The following PLCG2 variants were observed in gnomAD, a reference collection of about 807,000 sequenced individuals.
PLCG2 encodes 1-phosphatidylinositol 4,5-bisphosphate phosphodiesterase gamma-2.
A neutral mutation model predicts 175.6 loss-of-function variants in PLCG2; 69 were observed. That is an observed-to-expected ratio of 0.39 (90% CI 0.32 to 0.48). PLCG2 has a LOEUF of 0.48. Ranked by LOEUF, PLCG2 falls within the 20% of genes least tolerant of loss-of-function variation. The pLI, the probability that PLCG2 is intolerant of heterozygous loss-of-function variation, is 0.91. For missense variants in PLCG2, 1,798 were observed against 1,650.9 expected (o/e 1.09, Z -1.54); for synonymous variants, 827 against 624.0 (o/e 1.33, Z -4.85).
rs1333174824 is a variant in PLCG2, at chr16:81,921,277, G to A, written c.2307+8G>A. On this transcript the variant is annotated splice_region_variant and intron_variant, in intron 21 of 32. Transcript: ENST00000564138. ...GAAATCAATCCGTCCATGGTACGGTGCCGAACCTCCAATTCACATGATTTT... is the reference window on the plus strand; with the variant it reads ...GAAATCAATCCGTCCATGGTACGGTACCGAACCTCCAATTCACATGATTTT... 6.9e-6 allele frequency: 11 copies of A among 1,582,866 alleles called. No homozygotes were observed. The highest frequency in any genetic ancestry group is 9.6e-6 in the Non-Finnish European group (11 of 1,151,592).
intron 2 of PLCG2, among the ~76,000 whole-genome samples, chr16:81,803,523 TTTCC>T (rs1227293086): frequency 7.7e-6 from 1 of 130,434 alleles, no homozygotes; most frequent in Non-Finnish European, 1.8e-5. Flanking sequence ...TTGTTCTTTC[TTTCC>T]TTTCTTTCTT....
intron 2 of PLCG2, among the ~76,000 whole-genome samples, chr16:81,804,567 A>G (rs1021196809): frequency 6.6e-6 from 1 of 152,236 alleles, no homozygotes; most frequent in African/African-American, 2.4e-5. Context: ...TTGTGGCACA[A>G]AAGGACCATT....
chr16:81,744,153 C>T (rs1194705827), intron 1 of PLCG2, among the ~76,000 whole-genome samples: 4 of 150,672 alleles, frequency 2.7e-5, no homozygotes, highest in Non-Finnish European at 5.9e-5. Context: ...CCACCGTGCC[C>T]AGCCAACTTC....
At chr16:81,790,914 G>A (rs1447982556) in intron 2 of PLCG2, among the ~76,000 whole-genome samples, 18 of 152,128 alleles carry the variant, frequency 1.2e-4, no homozygotes, top group African/African-American at 2.4e-5. Context: ...AGGACAGTCC[G>A]CACCACAGAG....
At chr16:81,884,924 C>G (rs1908279707) in intron 9 of PLCG2, among the ~76,000 whole-genome samples, 2 of 152,062 alleles carry the variant, frequency 1.3e-5, no homozygotes, top group East Asian at 1.9e-4. Context: ...CACTCACCCC[C>G]TTGCCCAGGC....
At position 81,961,191 on chromosome 16, in the gene PLCG2, ATTCTGCT is replaced by A. The variant is rs1911765539; in HGVS notation, c.*3194_*3200del. 8.8e-6 allele frequency: 2 copies of A among 228,106 alleles called. No individual in the cohort carries two copies. The highest frequency in any genetic ancestry group is 4.4e-5 in the African/African-American group (2 of 45,092). 14.1% of individuals were successfully genotyped at this position (228,106 alleles called of 1,614,324 possible). A position where few individuals can be genotyped will look rare whatever the true frequency, so the allele number is the denominator to read the frequency against. On this transcript the variant is annotated 3_prime_UTR_variant, in exon 33 of 33. Coordinates refer to ENST00000564138, the MANE Select transcript of PLCG2 (RefSeq NM_002661.5). ...ACAAAGGGGTTGGAAGAATTCAGTG[ATTCTGCT>A]ATCATAAAGCTTCCGTTCCCATTGA...
chr16:81,944,460 G>A (rs142287870), intron 30 of PLCG2, among the ~76,000 whole-genome samples: 3 of 152,066 alleles, frequency 2.0e-5, no homozygotes, highest in African/African-American at 7.2e-5. Flanking sequence ...CAAATACTAC[G>A]CCACTGAATT....
At chr16:81,866,019 G>T (rs1014744899) in intron 5 of PLCG2, among the ~76,000 whole-genome samples, 11 of 136,554 alleles carry the variant, frequency 8.1e-5, no homozygotes, top group African/African-American at 2.5e-4. Flanking sequence ...TTTCTCCCAG[G>T]ATGGGCTCCA....
intron 5 of PLCG2, among the ~76,000 whole-genome samples, chr16:81,859,461 C>G (rs1434247638): frequency 6.6e-6 from 1 of 152,242 alleles, no homozygotes; most frequent in Non-Finnish European, 1.5e-5. Flanking sequence ...ACAGCAGTAA[C>G]CACACTCCTG....
intron 2 of PLCG2, among the ~76,000 whole-genome samples, chr16:81,839,017 A>G (rs543755149): frequency 6.6e-6 from 1 of 152,106 alleles, no homozygotes; most frequent in Non-Finnish European, 1.5e-5. Context: ...TATGACTCAC[A>G]GAACCAAGCC....
At chr16:81,865,181 C>A (rs913910849) in intron 5 of PLCG2, among the ~76,000 whole-genome samples, 3 of 152,098 alleles carry the variant, frequency 2.0e-5, no homozygotes, top group Admixed American at 1.3e-4. Flanking sequence ...TGTTCCCTTG[C>A]GTGGACTGGG....
At chr16:81,814,860 C>A (rs367633550) in intron 2 of PLCG2, among the ~76,000 whole-genome samples, 3 of 152,290 alleles carry the variant, frequency 2.0e-5, no homozygotes, top group African/African-American at 7.2e-5. Flanking sequence ...TTATGATGAT[C>A]CTCTCCCCAT....
intron 2 of PLCG2, among the ~76,000 whole-genome samples, chr16:81,839,045 C>A (rs1011654307): frequency 6.6e-6 from 1 of 152,036 alleles, no homozygotes; most frequent in African/African-American, 2.4e-5. Context: ...TTGCTTCCAG[C>A]AGACAACTAT....
chr16:81,756,255 C>G (rs1468690567), intron 2 of PLCG2, among the ~76,000 whole-genome samples: 1 of 152,248 alleles, frequency 6.6e-6, no homozygotes, highest in Non-Finnish European at 1.5e-5. Context: ...CCACTGCCCC[C>G]TACCGCCTTT....
intron 2 of PLCG2, among the ~76,000 whole-genome samples, chr16:81,828,235 A>T (rs1485403831): frequency 1.0e-3 from 60 of 59,402 alleles, no homozygotes; most frequent in African/African-American, 3.6e-3. Context: ...GAGAAATGTC[A>T]TTTTTTTTTT....
At chr16:81,857,989 C>T in intron 3 of PLCG2, 1 of 437,010 alleles carries the variant, frequency 2.3e-6, no homozygotes, top group Non-Finnish European at 4.2e-6. Flanking sequence ...TCCCACCACT[C>T]CCTCCATTCT....
chr16:81,781,892 G>A (rs9674362), intron 1 of PLCG2, among the ~76,000 whole-genome samples: 124 of 126,724 alleles, frequency 9.8e-4, no homozygotes, highest in African/African-American at 3.5e-3. Flanking sequence ...CCGCCCCCGA[G>A]ACGGAGTCTT....
intron 2 of PLCG2, among the ~76,000 whole-genome samples, chr16:81,848,682 C>G (rs915349998): frequency 6.6e-6 from 1 of 152,164 alleles, no homozygotes; most frequent in African/African-American, 2.4e-5. Context: ...CTCTCTGTCC[C>G]TTTCCTCTTT....
At chr16:81,844,203 C>T (rs1043511650) in intron 2 of PLCG2, among the ~76,000 whole-genome samples, 3 of 146,222 alleles carry the variant, frequency 2.1e-5, no homozygotes, top group Admixed American at 7.0e-5. Context: ...ACGTGTTAGC[C>T]AGGATGGTCT....
Sources: gnomAD v4.1 joint callset for allele counts (sites outside exome capture counted in the v4.1 genomes callset) on GRCh38, gnomAD v4.1.1 for gene constraint, MANE v1.5 for transcripts, NCBI Gene and HGNC (gene_info 2026-07-23, HGNC 2026-07-21) for gene names.